RFX2: variants seen among roughly 807,000 people sequenced by gnomAD.
RFX2 encodes regulatory factor X2.
RFX2 carries 20 observed loss-of-function variants against 87.8 expected under a neutral mutation model. The ratio of observed to expected loss-of-function variants is 0.23; its 90% CI spans 0.16 to 0.33. RFX2 has a LOEUF of 0.33. Ranked by LOEUF, RFX2 falls within the 10% of genes least tolerant of loss-of-function variation. RFX2 has a pLI of 1.00. For synonymous variants in RFX2, 397 were observed against 431.3 expected, an observed-to-expected ratio of 0.92 and a Z score of 0.98; for missense variants, 767 against 1,012.3, an observed-to-expected ratio of 0.76 and a Z score of 3.29.
At chr19:6,097,586 T>C (rs1479108873) in intron 1 of RFX2, among the ~76,000 whole-genome samples, 1 of 150,022 alleles carries the variant, frequency 6.7e-6, no homozygotes, top group Non-Finnish European at 1.5e-5. Flanking sequence ...CCCTTTATTA[T>C]TATTAATTAT....
rs911503761 is a variant in RFX2 at position 6,013,238 on chromosome 19, T to C, written c.780-133A>G. The C allele has an allele frequency of 3.5e-6, 3 of 866,522 alleles. No homozygotes were observed. Among genetic ancestry groups the C allele is most frequent in the Non-Finnish European group, 5.0e-6 (3 of 605,970 alleles). The allele number at this position is 866,522 out of a possible 1,614,324, so 53.7% of individuals were successfully genotyped here. A position where few individuals can be genotyped will look rare whatever the true frequency, so the allele number is the denominator to read the frequency against. ...TCTCATTCTGTCGCCCAGGCTGGAG[T>C]ACAGCAGTGCCATCTCGGCTCACTG... On this transcript the variant is annotated intron_variant, in intron 7 of 17. Transcript: ENST00000303657. This position sits in a 1 kb window ranked among gnomAD's most constrained non-coding sequence, Gnocchi z 4.1.
rs1309818137 is a variant in RFX2 at position 6,056,045 on chromosome 19, G to A, written c.-8-8541C>T. Among the ~76,000 whole-genome samples, 1 of 152,064 alleles carries A rather than the reference G, an allele frequency of 6.6e-6. No individual in the cohort carries two copies. Among genetic ancestry groups the A allele is most frequent in the Non-Finnish European group, 1.5e-5 (1 of 68,014 alleles). ...GGGGGGCAGGTGGCGGTGGGCGAGAGTGACTGGAAAGGGACAGGAGGGGAC... is the reference window on the plus strand; with the variant it reads ...GGGGGGCAGGTGGCGGTGGGCGAGAATGACTGGAAAGGGACAGGAGGGGAC... On this transcript the variant is annotated intron_variant, in intron 1 of 17. Coordinates refer to ENST00000303657, the MANE Select transcript of RFX2 (RefSeq NM_000635.4). The surrounding 1 kb of genome is among the most constrained non-coding windows in gnomAD (Gnocchi z 4.6).
chr19:6,026,539 A>T lies in RFX2; in HGVS notation c.523-302T>A. 1 of 447,120 alleles carries T rather than the reference A, an allele frequency of 2.2e-6. No individual in the cohort carries two copies. The highest frequency in any genetic ancestry group is 4.1e-6 in the Non-Finnish European group (1 of 245,394). 27.7% of individuals were successfully genotyped at this position (447,120 alleles called of 1,614,324 possible). A position where few individuals can be genotyped will look rare whatever the true frequency, so the allele number is the denominator to read the frequency against. ...ACTTTAACCTGGCATATGTGTGTGCACGCCGTAGCATTAATATGCAGCCAC... is the reference window on the plus strand; with the variant it reads ...ACTTTAACCTGGCATATGTGTGTGCTCGCCGTAGCATTAATATGCAGCCAC... On this transcript the variant is annotated intron_variant, in intron 5 of 17. Coordinates refer to ENST00000303657, the MANE Select transcript of RFX2 (RefSeq NM_000635.4). This position sits in a 1 kb window ranked among gnomAD's most constrained non-coding sequence, Gnocchi z 4.5.
chr19:6,002,927 G>T lies in RFX2; in HGVS notation c.1501-57C>A, dbSNP rs958247280. On this transcript the variant is annotated intron_variant, in intron 13 of 17. Transcript: ENST00000303657. The surrounding 1 kb of genome is among the most constrained non-coding windows in gnomAD (Gnocchi z 6.7). ...TCGCAGGGAGAGCCTGTTCCGCTGCGCTCCTTGCAGGGGTGTGTGGGCTCA... is the reference window on the plus strand; with the variant it reads ...TCGCAGGGAGAGCCTGTTCCGCTGCTCTCCTTGCAGGGGTGTGTGGGCTCA... The T allele has an allele frequency of 1.7e-5, 26 of 1,543,566 alleles. 1 individual carries two copies. Among genetic ancestry groups the T allele is most frequent in the African/African-American group, 1.2e-4 (9 of 73,948 alleles).
chr19:6,005,730 A>G (rs1169555553), intron 12 of RFX2, among the ~76,000 whole-genome samples: 1 of 152,130 alleles, frequency 6.6e-6, no homozygotes, highest in Non-Finnish European at 1.5e-5. Flanking sequence ...CTGGGGGTTA[A>G]AGGTCAGCCT....
intron 1 of RFX2, among the ~76,000 whole-genome samples, chr19:6,075,636 G>A (rs1030244925): frequency 5.3e-5 from 8 of 152,208 alleles, no homozygotes; most frequent in African/African-American, 1.9e-4. Context: ...GCTGCCCGGT[G>A]CTGAGCTGGG....
chr19:6,025,464 T>C (rs1486906674), intron 6 of RFX2, among the ~76,000 whole-genome samples: 4 of 152,236 alleles, frequency 2.6e-5, no homozygotes, highest in Non-Finnish European at 5.9e-5. Context: ...TCTAAGGCAT[T>C]CCCGATCCTA....
At position 6,026,169 on chromosome 19, in the gene RFX2, G is replaced by A. The variant is rs1372584243; in HGVS notation, c.591C>T (p.Asn197=). ...GITSHKSGLL[N]SHLQWLLDNY... Reference sequence around the variant, plus strand: ...AGGTCAGACGCACACTTACATGGCTGTTGAGTAAACCGCTTTTGTGTGATG... The same window carrying A: ...AGGTCAGACGCACACTTACATGGCTATTGAGTAAACCGCTTTTGTGTGATG... The change falls in exon 6 of 18, where the codon AAC becomes AAT. Residue 197 remains asparagine (N), a synonymous_variant. Transcript: ENST00000303657. The surrounding 1 kb of genome is among the most constrained non-coding windows in gnomAD (Gnocchi z 4.5). The A allele has an allele frequency of 3.7e-6, 6 of 1,613,226 alleles. No homozygotes were observed. The highest frequency in any genetic ancestry group is 3.3e-5 in the Admixed American group (2 of 59,938).
At chr19:6,073,271 C>A in intron 1 of RFX2, 1 of 806,382 alleles carries the variant, frequency 1.2e-6, no homozygotes. Context: ...TGAGCCACCG[C>A]GCCTGCAAGG....
chr19:6,096,478 G>A (rs749926543), intron 1 of RFX2, among the ~76,000 whole-genome samples: 37 of 152,212 alleles, frequency 2.4e-4, no homozygotes, highest in Middle Eastern at 3.4e-3. Context: ...ATGGAGTCTT[G>A]CTCTGTCTCC....
chr19:6,088,883 G>C (rs1265897553), intron 1 of RFX2, among the ~76,000 whole-genome samples: 1 of 152,198 alleles, frequency 6.6e-6, no homozygotes, highest in Non-Finnish European at 1.5e-5. Context: ...CCATTGTAGG[G>C]TGAAATGACT....
At chr19:6,095,716 C>T (rs959182342) in intron 1 of RFX2, among the ~76,000 whole-genome samples, 13 of 152,038 alleles carry the variant, frequency 8.6e-5, no homozygotes, top group Admixed American at 2.6e-4. Context: ...TCTACGAATG[C>T]GAGTCAGAGC....
intron 1 of RFX2, among the ~76,000 whole-genome samples, chr19:6,059,816 C>T (rs779227867): frequency 2.0e-5 from 3 of 152,164 alleles, no homozygotes; most frequent in Non-Finnish European, 4.4e-5. Context: ...CACACACATA[C>T]ACCACCTGAC....
At chr19:6,052,496 A>G (rs2087279799) in intron 1 of RFX2, among the ~76,000 whole-genome samples, 1 of 152,242 alleles carries the variant, frequency 6.6e-6, no homozygotes, top group Non-Finnish European at 1.5e-5. Context: ...AGAACTAAGC[A>G]GAAATATTAC....
chr19:6,013,488 T>C lies in RFX2; in HGVS notation c.780-383A>G, dbSNP rs1024424542. ...GGCGTGAGCCACTGCGCCTGGCCTC[T>C]TCTCTCTTTTTTTTTTTTTTCAGAA... On this transcript the variant is annotated intron_variant, in intron 7 of 17. Transcript: ENST00000303657. This position sits in a 1 kb window ranked among gnomAD's most constrained non-coding sequence, Gnocchi z 4.1. 6.9e-6 allele frequency among the ~76,000 whole-genome samples: 1 copy of C among 144,102 alleles called. No homozygotes were observed. The highest frequency in any genetic ancestry group is 2.9e-5 in the African/African-American group (1 of 34,152). 94.5% of individuals were successfully genotyped at this position (144,102 alleles called of 152,430 possible).
At chr19:6,097,675 T>C (rs1568196231) in intron 1 of RFX2, among the ~76,000 whole-genome samples, 1 of 152,138 alleles carries the variant, frequency 6.6e-6, no homozygotes, top group Non-Finnish European at 1.5e-5. Context: ...AAGTAACTCG[T>C]GGGCTCAAGT....
intron 1 of RFX2, among the ~76,000 whole-genome samples, chr19:6,084,666 C>T (rs772986359): frequency 2.8e-5 from 4 of 143,128 alleles, no homozygotes; most frequent in Non-Finnish European, 4.4e-5. Flanking sequence ...CAGAATCTCG[C>T]TCTTGTTGCC....
In RFX2 at chr19:6,022,026, G is replaced by A. The variant is rs1027832150; in HGVS notation, c.597+4137C>T. 2.0e-5 allele frequency among the ~76,000 whole-genome samples: 3 copies of A among 152,102 alleles called. No individual in the cohort carries two copies. The highest frequency in any genetic ancestry group is 7.2e-5 in the African/African-American group (3 of 41,402). ...GAGGTTGAAGAGCATCTGGGGGTGGGCATGAGAGGAGCAAGGAGGCGAGGA... is the reference window on the plus strand; with the variant it reads ...GAGGTTGAAGAGCATCTGGGGGTGGACATGAGAGGAGCAAGGAGGCGAGGA... On this transcript the variant is annotated intron_variant, in intron 6 of 17. Transcript: ENST00000303657. This position sits in a 1 kb window ranked among gnomAD's most constrained non-coding sequence, Gnocchi z 6.2.
chr19:6,003,826 G>A (rs910717207), intron 13 of RFX2, among the ~76,000 whole-genome samples: 11 of 147,598 alleles, frequency 7.5e-5, no homozygotes, highest in African/African-American at 1.3e-4. Context: ...TTGTGAGAAC[G>A]GTGGGTAATC....
Sources: allele counts gnomAD v4.1 joint callset (sites outside exome capture counted in the v4.1 genomes callset), GRCh38; gene constraint gnomAD v4.1.1; non-coding constraint Gnocchi (gnomAD v3.1); transcripts MANE v1.5; gene names NCBI Gene and HGNC (gene_info 2026-07-23, HGNC 2026-07-21).